The following ANO6 variants were observed in gnomAD, a reference collection of about 807,000 sequenced individuals.
The protein encoded by ANO6 is anoctamin 6.
Under a neutral mutation model 117.5 loss-of-function variants are expected in ANO6, and 106 were observed. The observed-to-expected ratio is 0.90, with a 90% CI of 0.77 to 1.06. The LOEUF (loss-of-function observed/expected upper bound fraction) is 1.06, where lower values mean the gene tolerates loss of function less well. Ranked by LOEUF, ANO6 falls within the 50% of genes least tolerant of loss-of-function variation. The pLI, the probability that ANO6 is intolerant of heterozygous loss-of-function variation, is 0.00. For synonymous variants in ANO6, 367 were observed against 385.1 expected (o/e 0.95, Z 0.55); for missense variants, 955 against 1,121.1 (o/e 0.85, Z 2.12).
intron 17 of ANO6, 40 bp from the exon 18 acceptor site, chr12:45,421,031 A>T: frequency 6.2e-7 from 1 of 1,606,264 alleles, no homozygotes; most frequent in Non-Finnish European, 8.5e-7. Context: ...AAAACAAAAA[A>T]CTATAACTTC....
chr12:45,275,176 C>A (rs1302112349), intron 1 of ANO6, among the ~76,000 whole-genome samples: 1 of 151,970 alleles, frequency 6.6e-6, no homozygotes, highest in Non-Finnish European at 1.5e-5. Context: ...CCGTCTCCAT[C>A]TCTTACCCTG....
At chr12:45,325,793 A>G (rs1479451747) in intron 2 of ANO6, among the ~76,000 whole-genome samples, 2 of 152,162 alleles carry the variant, frequency 1.3e-5, no homozygotes, top group Non-Finnish European at 2.9e-5. Context: ...AAATATATAT[A>G]TATTTAGTCA....
At chr12:45,391,013 C>T (rs139614061) in intron 12 of ANO6, among the ~76,000 whole-genome samples, 10 of 151,966 alleles carry the variant, frequency 6.6e-5, no homozygotes, top group Admixed American at 3.9e-4. Context: ...CCCAGCTACT[C>T]GGGAGGCTGA....
chr12:45,320,014 C>T (rs1378212053), intron 2 of ANO6, among the ~76,000 whole-genome samples: 1 of 151,852 alleles, frequency 6.6e-6, no homozygotes, highest in African/African-American at 2.4e-5. Context: ...CTCTTTTATT[C>T]CTTATTAGTC....
chr12:45,256,202 A>G (rs1937822133), intron 1 of ANO6, among the ~76,000 whole-genome samples: 1 of 152,160 alleles, frequency 6.6e-6, no homozygotes, highest in South Asian at 2.1e-4. Context: ...ATGTGTATAC[A>G]CAACACATGG....
At chr12:45,323,099 G>C (rs1315956136) in intron 2 of ANO6, among the ~76,000 whole-genome samples, 2 of 152,064 alleles carry the variant, frequency 1.3e-5, no homozygotes, top group African/African-American at 4.8e-5. Flanking sequence ...TATTCTTCTT[G>C]ACACCAGATG....
intron 1 of ANO6, among the ~76,000 whole-genome samples, chr12:45,244,096 A>G (rs1034321021): frequency 1.3e-5 from 2 of 152,218 alleles, no homozygotes; most frequent in Non-Finnish European, 2.9e-5. Flanking sequence ...GAATTGTTGA[A>G]CAAGAAAATA....
chr12:45,432,133 T>A lies in ANO6; in HGVS notation c.*2822T>A, dbSNP rs1406833410. Reference sequence around the variant, plus strand: ...CACTTCTTGTACCATTTTATGTTCATATTATGTTTGAGAGGGTAAAAATGT... The same window carrying A: ...CACTTCTTGTACCATTTTATGTTCAAATTATGTTTGAGAGGGTAAAAATGT... On this transcript the variant is annotated 3_prime_UTR_variant, in exon 20 of 20. Transcript: ENST00000320560. 3.0e-6 allele frequency: 3 copies of A among 985,318 alleles called. No homozygotes were observed. Among genetic ancestry groups the A allele is most frequent in the Non-Finnish European group, 3.6e-6 (3 of 829,918 alleles). 61.0% of individuals were successfully genotyped at this position (985,318 alleles called of 1,614,324 possible).
intron 1 of ANO6, among the ~76,000 whole-genome samples, chr12:45,287,519 G>A (rs2137269080): frequency 6.6e-6 from 1 of 152,214 alleles, no homozygotes; most frequent in East Asian, 1.9e-4. Flanking sequence ...TTAAGTGTGA[G>A]CTGTATTATC....
chr12:45,223,586 G>A (rs934289296), intron 1 of ANO6, among the ~76,000 whole-genome samples: 2 of 151,918 alleles, frequency 1.3e-5, no homozygotes, highest in African/African-American at 2.4e-5. Flanking sequence ...TTATTTTTTT[G>A]TTCTATGCAG....
intron 1 of ANO6, among the ~76,000 whole-genome samples, chr12:45,293,309 C>T (rs1939168427): frequency 6.6e-6 from 1 of 152,000 alleles, no homozygotes; most frequent in Non-Finnish European, 1.5e-5. Context: ...CAATGGCTTG[C>T]CCTCTAGGAG....
intron 1 of ANO6, among the ~76,000 whole-genome samples, chr12:45,219,402 C>G (rs1170162204): frequency 6.6e-6 from 1 of 152,054 alleles, no homozygotes; most frequent in Non-Finnish European, 1.5e-5. Context: ...GTGACGCAGT[C>G]ACAGCTCACT....
At chr12:45,254,116 G>A (rs559493408) in intron 1 of ANO6, among the ~76,000 whole-genome samples, 14 of 152,278 alleles carry the variant, frequency 9.2e-5, no homozygotes, top group African/African-American at 1.2e-4. Context: ...GCAGTGAGCC[G>A]AGATTGTGCC....
chr12:45,386,129 A>G (rs918340986), intron 10 of ANO6, among the ~76,000 whole-genome samples: 1 of 152,214 alleles, frequency 6.6e-6, no homozygotes, highest in African/African-American at 2.4e-5. Flanking sequence ...ATCATAATTT[A>G]TAATTTACAG....
chr12:45,249,075 C>T (rs1947865969), intron 1 of ANO6, among the ~76,000 whole-genome samples: 1 of 152,160 alleles, frequency 6.6e-6, no homozygotes. Context: ...GGTGGCACCA[C>T]ATAGGACTTT....
intron 1 of ANO6, among the ~76,000 whole-genome samples, chr12:45,277,485 G>A (rs1385293384): frequency 6.6e-6 from 1 of 152,086 alleles, no homozygotes; most frequent in Non-Finnish European, 1.5e-5. Context: ...GACCTCAGCC[G>A]AGTGAGGGAT....
chr12:45,273,921 C>T (rs1938466784), intron 1 of ANO6, among the ~76,000 whole-genome samples: 1 of 152,212 alleles, frequency 6.6e-6, no homozygotes, highest in Non-Finnish European at 1.5e-5. Flanking sequence ...CATCATGAGT[C>T]ACAGAGCCTC....
chr12:45,373,953 T>C (rs527309654), intron 9 of ANO6, among the ~76,000 whole-genome samples: 23 of 152,016 alleles, frequency 1.5e-4, no homozygotes, highest in African/African-American at 4.8e-4. Context: ...ACAAAATAGA[T>C]AGACCACTAG....
rs991844059 is a variant in ANO6 at position 45,393,026 on chromosome 12, G to A, written c.1386+2528G>A. On this transcript the variant is annotated intron_variant, in intron 12 of 19. Coordinates refer to ENST00000320560, the MANE Select transcript of ANO6 (RefSeq NM_001025356.3). ...AAGTTGACAGAAGTAGGCTTCAGAA[G>A]GTCGGTAATAACAGACTTCTCTTAG... is the stretch of plus-strand genomic sequence containing the variant. 9.8e-5 allele frequency among the ~76,000 whole-genome samples: 15 copies of A among 152,318 alleles called. 1 individual carries two copies. The South Asian group carries it at 2.3e-3, about 23-fold the overall frequency.
Sources: allele counts gnomAD v4.1 joint callset (sites outside exome capture counted in the v4.1 genomes callset), GRCh38; gene constraint gnomAD v4.1.1; transcripts MANE v1.5; gene names NCBI Gene and HGNC (gene_info 2026-07-23, HGNC 2026-07-21).